GFOD2: variants seen among roughly 807,000 people sequenced by gnomAD.
GFOD2 encodes the protein Gfo/Idh/MocA-like oxidoreductase domain containing 2, also known as glucose-fructose oxidoreductase domain-containing protein 2.
GFOD2 carries 9 observed loss-of-function variants against 24.6 expected under a neutral mutation model. The ratio of observed to expected loss-of-function variants is 0.37; its 90% CI spans 0.22 to 0.64. The LOEUF (loss-of-function observed/expected upper bound fraction) is 0.64, where lower values mean the gene tolerates loss of function less well. Ranked by LOEUF, GFOD2 falls within the 30% of genes least tolerant of loss-of-function variation. The pLI is 0.65. For missense variants in GFOD2, 476 were observed against 532.5 expected, an observed-to-expected ratio of 0.89 and a Z score of 1.04; for synonymous variants, 211 against 224.8, an observed-to-expected ratio of 0.94 and a Z score of 0.55.
At chr16:67,708,151 T>C (rs1007238306) in intron 1 of GFOD2, among the ~76,000 whole-genome samples, 2 of 152,234 alleles carry the variant, frequency 1.3e-5, no homozygotes, top group African/African-American at 4.8e-5. Context: ...TTTAATTGTA[T>C]GTAAATTATA....
chr16:67,687,320 C>A (rs2053274586), intron 1 of GFOD2, among the ~76,000 whole-genome samples: 1 of 151,650 alleles, frequency 6.6e-6, no homozygotes, highest in African/African-American at 2.4e-5. Flanking sequence ...TTTCATCAAA[C>A]TGGCTAAAAG....
rs1453291181 is a variant in GFOD2 at position 67,674,761 on chromosome 16, G to A, written c.*394C>T. The stretch of plus-strand genomic sequence containing the variant: ...CTGTTCCTGAGATGCCCCAGCCCAA[G>A]AACGAAACAAAACTTCTCATCATTT... On this transcript the variant is annotated 3_prime_UTR_variant, in exon 3 of 3. Transcript: ENST00000268797. The A allele has an allele frequency of 5.8e-6, 1 of 173,772 alleles. No homozygotes were observed. The highest frequency in any genetic ancestry group is 2.4e-5 in the African/African-American group (1 of 42,062). The allele number at this position is 173,772 out of a possible 1,614,324, so 10.8% of individuals were successfully genotyped here.
intron 1 of GFOD2, among the ~76,000 whole-genome samples, chr16:67,714,726 T>A (rs568967356): frequency 6.6e-6 from 1 of 152,186 alleles, no homozygotes; most frequent in Non-Finnish European, 1.5e-5. Context: ...CCACACTAAG[T>A]ACTCAGTTCC....
At chr16:67,676,725 G>A (rs960857635) in intron 2 of GFOD2, 1 of 152,200 alleles carries the variant, frequency 6.6e-6, no homozygotes, top group African/African-American at 2.4e-5. Flanking sequence ...GTTTGGCTCC[G>A]GCAGGAAGGG....
chr16:67,701,491 T>C (rs2065946490), intron 1 of GFOD2, among the ~76,000 whole-genome samples: 1 of 152,206 alleles, frequency 6.6e-6, no homozygotes, highest in Admixed American at 6.6e-5. Context: ...AACTGAAAGA[T>C]GCCCTACTTA....
At chr16:67,689,430 G>A (rs1199203986) in intron 1 of GFOD2, among the ~76,000 whole-genome samples, 4 of 151,698 alleles carry the variant, frequency 2.6e-5, no homozygotes, top group African/African-American at 9.7e-5. Flanking sequence ...CAGCACTTTG[G>A]GAAGCCAAGG....
intron 2 of GFOD2, chr16:67,684,420 G>C (rs1453561829): frequency 6.6e-6 from 1 of 150,712 alleles, no homozygotes; most frequent in Non-Finnish European, 1.5e-5. Flanking sequence ...AAAATGCTGG[G>C]CATGGTGGCT....
At position 67,675,899 on chromosome 16, in the gene GFOD2, C is replaced by A. The variant is rs149276567; in HGVS notation, c.414G>T (p.Ser138=). 14 of 1,614,174 alleles carry A rather than the reference C, an allele frequency of 8.7e-6. No individual in the cohort carries two copies. Among genetic ancestry groups the A allele is most frequent in the Non-Finnish European group, 1.2e-5 (14 of 1,180,048 alleles). The part of the protein sequence containing the change: ...PAFVRMKQLI[S]EHYVGAVMIC... The stretch of plus-strand genomic sequence containing the variant: ...TCATCACCGCTCCCACATAGTGTTC[C>A]GAAATCAGCTGTTTCATGCGCACGA... Residue 138 remains serine (S), a synonymous_variant, in exon 3 of 3, where the codon TCG becomes TCT. Coordinates refer to ENST00000268797, the MANE Select transcript of GFOD2 (RefSeq NM_030819.4).
At chr16:67,702,548 C>T (rs1368566884) in intron 1 of GFOD2, among the ~76,000 whole-genome samples, 1 of 151,452 alleles carries the variant, frequency 6.6e-6, no homozygotes, top group East Asian at 1.9e-4. Context: ...GTTATAAGGC[C>T]CAGGAACTCC....
intron 1 of GFOD2, among the ~76,000 whole-genome samples, chr16:67,691,457 C>T (rs1261114491): frequency 6.6e-6 from 1 of 151,818 alleles, no homozygotes; most frequent in Non-Finnish European, 1.5e-5. Flanking sequence ...ATCTGCCCAT[C>T]CTGGCCTCCC....
In GFOD2 at chr16:67,676,005, G is replaced by A. The variant is rs761195735; in HGVS notation, c.308C>T (p.Ala103Val). ...GCGCGAGGCTGTCACCATCCGGAAG[G>A]CATCCACCGATGTTGCTGCCTTCTC... ...VCEKAATSVDAFRMVTASRYY... is the reference protein window; with the variant it reads ...VCEKAATSVDVFRMVTASRYY... Residue 103 changes from alanine to valine, a missense_variant, in exon 3 of 3, where the codon GCC becomes GTC. Physicochemically the swap from Ala to Val is moderately conservative, Grantham distance 64. Coordinates refer to ENST00000268797, the MANE Select transcript of GFOD2 (RefSeq NM_030819.4). 6.2e-7 allele frequency: 1 copy of A among 1,613,998 alleles called. No individual in the cohort carries two copies. Among genetic ancestry groups the A allele is most frequent in the Admixed American group, 1.7e-5 (1 of 59,998 alleles).
chr16:67,681,873 G>T, intron 2 of GFOD2: 1 of 985,286 alleles, frequency 1.0e-6, no homozygotes. Flanking sequence ...AGGAAGTCAA[G>T]GGAGAGATTG....
intron 1 of GFOD2, among the ~76,000 whole-genome samples, chr16:67,695,640 G>A (rs1211711346): frequency 1.3e-5 from 2 of 150,826 alleles, no homozygotes; most frequent in Non-Finnish European, 3.0e-5. Flanking sequence ...GGTTCAAGCG[G>A]TTCTCCTGTC....
chr16:67,715,490 A>G (rs973715477), intron 1 of GFOD2, among the ~76,000 whole-genome samples: 1 of 152,222 alleles, frequency 6.6e-6, no homozygotes, highest in Non-Finnish European at 1.5e-5. Flanking sequence ...GTTAGAGTGT[A>G]GGGAATTCTT....
Position 67,684,974 on chromosome 16 carries a change from C to T in GFOD2, c.259+483G>A, listed in dbSNP as rs866397836. ...ATGCTGGCAGAGCCTTCCTGTCCTCCGGCAATACAAGACTGCAGTTTGGCA... is the reference window on the plus strand; with the variant it reads ...ATGCTGGCAGAGCCTTCCTGTCCTCTGGCAATACAAGACTGCAGTTTGGCA... On this transcript the variant is annotated intron_variant, in intron 2 of 2. Coordinates refer to ENST00000268797, the MANE Select transcript of GFOD2 (RefSeq NM_030819.4). 2.3e-5 allele frequency: 23 copies of T among 1,007,682 alleles called. No homozygotes were observed. The South Asian group carries it at 2.6e-4, about 11-fold the overall frequency. 62.4% of individuals were successfully genotyped at this position (1,007,682 alleles called of 1,614,324 possible).
chr16:67,680,826 C>G (rs1297349508), intron 2 of GFOD2: 2 of 982,900 alleles, frequency 2.0e-6, no homozygotes, highest in Non-Finnish European at 2.4e-6. Context: ...AGGTTTGTTA[C>G]ATATGTATAC....
rs758354417 is a variant in GFOD2 at position 67,719,168 on chromosome 16, A to C, written c.-93T>G. On this transcript the variant is annotated 5_prime_UTR_variant, in exon 1 of 3. Transcript: ENST00000268797. ...CACCGGTGGCCGCCTCTCACCTGGC[A>C]CGCTGGCATCGCCCACTCCGCGCTG... 1 of 151,886 alleles carries C rather than the reference A, an allele frequency of 6.6e-6. No homozygotes were observed. The highest frequency in any genetic ancestry group is 1.5e-5 in the Non-Finnish European group (1 of 68,070). The allele number at this position is 151,886 out of a possible 1,614,324, so 9.4% of individuals were successfully genotyped here.
At chr16:67,710,421 G>A (rs1381804636) in intron 1 of GFOD2, among the ~76,000 whole-genome samples, 1 of 152,056 alleles carries the variant, frequency 6.6e-6, no homozygotes, top group Non-Finnish European at 1.5e-5. Context: ...GAGAAGTGCA[G>A]TGGTGCGATC....
In GFOD2 at chr16:67,675,575, G is replaced by A; in HGVS notation, c.738C>T (p.Ala246=). 1 of 1,613,524 alleles carries A rather than the reference G, an allele frequency of 6.2e-7. No homozygotes were observed. The part of the protein sequence containing the change: ...TVTLNFNMPG[A]FVHEVMVVGS... ...CTACCACCATGACTTCATGCACAAA[G>A]GCGCCTGGCATGTTGAAGTTGAGTG... The change falls in exon 3 of 3, where the codon GCC becomes GCT. Residue 246 remains alanine (A), a synonymous_variant. Coordinates refer to ENST00000268797, the MANE Select transcript of GFOD2 (RefSeq NM_030819.4).
Sources: allele counts gnomAD v4.1 joint callset (sites outside exome capture counted in the v4.1 genomes callset), GRCh38; gene constraint gnomAD v4.1.1; transcripts MANE v1.5; gene names NCBI Gene and HGNC (gene_info 2026-07-23, HGNC 2026-07-21).